ARHGAP15: variants seen among roughly 807,000 people sequenced by gnomAD.
The protein encoded by ARHGAP15 is Rho GTPase activating protein 15.
In ARHGAP15, 51 loss-of-function variants were observed where a neutral mutation model predicts 63.7. That is an observed-to-expected ratio of 0.80 (90% confidence interval 0.64 to 1.01). ARHGAP15 has a LOEUF of 1.01. Among genes scored for constraint, ARHGAP15 ranks in the 50% least tolerant of loss-of-function variants. The pLI, the probability that ARHGAP15 is intolerant of heterozygous loss-of-function variation, is 0.00. For missense variants in ARHGAP15, 560 were observed against 564.6 expected, an observed-to-expected ratio of 0.99 and a Z score of 0.08; for synonymous variants, 191 against 193.8, an observed-to-expected ratio of 0.99 and a Z score of 0.12.
At chr2:143,474,829 A>T (rs888028967) in intron 8 of ARHGAP15, among the ~76,000 whole-genome samples, 1 of 152,222 alleles carries the variant, frequency 6.6e-6, no homozygotes, top group Non-Finnish European at 1.5e-5. Flanking sequence ...CTGACGGTCA[A>T]CAACAGAAAA....
At chr2:143,632,724 T>G (rs1035345389) in intron 12 of ARHGAP15, among the ~76,000 whole-genome samples, 1 of 152,190 alleles carries the variant, frequency 6.6e-6, no homozygotes. Flanking sequence ...CTAATGGTTT[T>G]TCCCCCCATG....
chr2:143,758,222 T>C (rs1686645496), intron 13 of ARHGAP15, among the ~76,000 whole-genome samples: 1 of 151,828 alleles, frequency 6.6e-6, no homozygotes, highest in South Asian at 2.1e-4. Flanking sequence ...GCACATTATG[T>C]ATTTTTTATT....
In ARHGAP15 at chr2:143,715,916, G is replaced by A. The variant is rs148238036; in HGVS notation, c.1244+12392G>A. Among the ~76,000 whole-genome samples the A allele has an allele frequency of 5.7e-3, 865 of 152,202 alleles. 8 individuals carry two copies. Among genetic ancestry groups the A allele is most frequent in the African/African-American group, 0.02 (831 of 41,526 alleles). ...TTTTTAAATATGGTATAAAGAAGGG[G>A]TCCAGTTTCAATTTTCTGCATATGG... On this transcript the variant is annotated intron_variant, in intron 13 of 13. Coordinates refer to ENST00000295095, the MANE Select transcript of ARHGAP15 (RefSeq NM_018460.4).
intron 9 of ARHGAP15, among the ~76,000 whole-genome samples, chr2:143,511,273 G>A (rs1032755638): frequency 1.3e-5 from 2 of 152,118 alleles, no homozygotes; most frequent in Non-Finnish European, 2.9e-5. Flanking sequence ...CTCACCAAAA[G>A]ATGCTTTCAA....
At chr2:143,650,808 GTTATT>G (rs1055699346) in intron 12 of ARHGAP15, among the ~76,000 whole-genome samples, 13 of 151,774 alleles carry the variant, frequency 8.6e-5, no homozygotes, top group African/African-American at 2.2e-4. Context: ...GGTATATAAT[GTTATT>G]TTATTACCAA....
At chr2:143,226,505 C>T (rs1693219189) in intron 4 of ARHGAP15, among the ~76,000 whole-genome samples, 1 of 152,166 alleles carries the variant, frequency 6.6e-6, no homozygotes, top group Non-Finnish European at 1.5e-5. Flanking sequence ...GACTAGACTT[C>T]TAATAATCTT....
At chr2:143,668,728 C>T (rs1682365308) in intron 12 of ARHGAP15, among the ~76,000 whole-genome samples, 2 of 152,308 alleles carry the variant, frequency 1.3e-5, no homozygotes, top group South Asian at 4.1e-4. Context: ...GTTCAAATCA[C>T]TCTTATTGCA....
At chr2:143,671,573 G>A (rs914547602) in intron 12 of ARHGAP15, among the ~76,000 whole-genome samples, 5 of 152,080 alleles carry the variant, frequency 3.3e-5, no homozygotes. Context: ...ACTTATAGGT[G>A]TCCAATTAAA....
chr2:143,176,667 G>A lies in ARHGAP15; in HGVS notation c.165+21012G>A, dbSNP rs145163294. On this transcript the variant is annotated intron_variant, in intron 2 of 13. Transcript: ENST00000295095. ...GTTTAGAAAAGAAAAAAGAGTATTT[G>A]CTTTTATAACACATATTCATGATCT... 9.6e-4 allele frequency among the ~76,000 whole-genome samples: 146 copies of A among 152,264 alleles called. 1 individual carries two copies. The highest frequency in any genetic ancestry group is 3.4e-3 in the African/African-American group (143 of 41,568).
intron 6 of ARHGAP15, among the ~76,000 whole-genome samples, chr2:143,282,454 G>T (rs894530538): frequency 6.6e-6 from 1 of 151,992 alleles, no homozygotes; most frequent in Non-Finnish European, 1.5e-5. Context: ...TCTTACATGG[G>T]TGGTGGCAGG....
intron 6 of ARHGAP15, among the ~76,000 whole-genome samples, chr2:143,264,003 C>T (rs956062427): frequency 3.2e-5 from 4 of 124,190 alleles, no homozygotes; most frequent in African/African-American, 8.8e-5. Flanking sequence ...TTTTTTTCAT[C>T]ATTCATCAGC....
At chr2:143,500,720 T>C (rs1693018882) in intron 9 of ARHGAP15, among the ~76,000 whole-genome samples, 1 of 152,212 alleles carries the variant, frequency 6.6e-6, no homozygotes, top group Non-Finnish European at 1.5e-5. Flanking sequence ...TCATGAAGCA[T>C]ACAGCCGTTG....
chr2:143,267,147 A>C (rs1681038805), intron 6 of ARHGAP15, among the ~76,000 whole-genome samples: 3 of 152,168 alleles, frequency 2.0e-5, no homozygotes, highest in Admixed American at 1.3e-4. Context: ...ACTAGTTGGC[A>C]TGGTAAAGAA....
chr2:143,277,384 C>G (rs1359495759), intron 6 of ARHGAP15, among the ~76,000 whole-genome samples: 1 of 151,904 alleles, frequency 6.6e-6, no homozygotes, highest in Non-Finnish European at 1.5e-5. Flanking sequence ...GGACTCATAT[C>G]AGGATCCAGA....
intron 8 of ARHGAP15, among the ~76,000 whole-genome samples, chr2:143,441,688 A>G (rs1689891802): frequency 6.6e-6 from 1 of 152,104 alleles, no homozygotes; most frequent in East Asian, 1.9e-4. Context: ...GAGACCTTGG[A>G]TAACTTGAAA....
intron 8 of ARHGAP15, among the ~76,000 whole-genome samples, chr2:143,445,153 A>ACTTTTTTTTTTTTTTTTTTT (rs765945989): frequency 2.7e-5 from 2 of 74,458 alleles, no homozygotes; most frequent in African/African-American, 5.4e-5. Context: ...AAGAACAATT[A>ACTTTTTTTTTTTTTTTTTTT]TTTTTTTTTT....
intron 2 of ARHGAP15, among the ~76,000 whole-genome samples, chr2:143,157,061 A>T (rs1690110070): frequency 6.6e-6 from 1 of 151,998 alleles, no homozygotes; most frequent in Non-Finnish European, 1.5e-5. Context: ...TTTGACAAGC[A>T]TGAAAACATC....
At chr2:143,518,319 T>C (rs1693909370) in intron 9 of ARHGAP15, among the ~76,000 whole-genome samples, 1 of 152,190 alleles carries the variant, frequency 6.6e-6, no homozygotes, top group Non-Finnish European at 1.5e-5. Context: ...CCATATATTA[T>C]AAATGTAAAT....
chr2:143,759,005 T>A (rs1247432841), intron 13 of ARHGAP15, among the ~76,000 whole-genome samples: 1 of 152,206 alleles, frequency 6.6e-6, no homozygotes, highest in Non-Finnish European at 1.5e-5. Flanking sequence ...GAGGTCTTCA[T>A]CTGCAGCTTT....
Sources: gnomAD v4.1 joint callset for allele counts (sites outside exome capture counted in the v4.1 genomes callset) on GRCh38, gnomAD v4.1.1 for gene constraint, MANE v1.5 for transcripts, NCBI Gene and HGNC (gene_info 2026-07-23, HGNC 2026-07-21) for gene names.